Variants in LDB3 observed in about 807,000 individuals in gnomAD.
The protein encoded by LDB3 is LIM domain-binding protein 3.
Under a neutral mutation model 69.0 loss-of-function variants are expected in LDB3, and 49 were observed. The observed-to-expected ratio is 0.71, with a 90% CI of 0.56 to 0.90. The LOEUF (loss-of-function observed/expected upper bound fraction) is 0.90, where lower values mean the gene tolerates loss of function less well. Among genes scored for constraint, LDB3 ranks in the 40% least tolerant of loss-of-function variants. The probability of loss-of-function intolerance (pLI) is 0.00; values close to 1 mark genes in which losing one functional copy is unlikely to be tolerated. For synonymous variants in LDB3, 387 were observed against 396.2 expected, an observed-to-expected ratio of 0.98 and a Z score of 0.28; for missense variants, 928 against 974.1, an observed-to-expected ratio of 0.95 and a Z score of 0.63.
intron 5 of LDB3, among the ~76,000 whole-genome samples, chr10:86,683,338 T>C (rs1392116177): frequency 6.6e-6 from 1 of 152,228 alleles, no homozygotes; most frequent in Non-Finnish European, 1.5e-5. Context: ...GTGGGCATGA[T>C]TTTCCCCATT....
chr10:86,672,373 G>A (rs1391867399), intron 2 of LDB3, among the ~76,000 whole-genome samples: 1 of 152,232 alleles, frequency 6.6e-6, no homozygotes. Context: ...TTCGGTTCCA[G>A]TATTTATCAG....
chr10:86,691,244 G>C (rs919111500), intron 5 of LDB3, among the ~76,000 whole-genome samples: 4 of 152,214 alleles, frequency 2.6e-5, no homozygotes, highest in African/African-American at 9.6e-5. Context: ...AAAGGGCTGC[G>C]CTTCTCTGGG....
chr10:86,692,776 C>T (rs568476852), intron 7 of LDB3, among the ~76,000 whole-genome samples: 3 of 152,330 alleles, frequency 2.0e-5, no homozygotes, highest in Admixed American at 1.3e-4. Context: ...CTCTGTCCTC[C>T]AGGCCCAGGC....
intron 7 of LDB3, among the ~76,000 whole-genome samples, chr10:86,702,287 C>T (rs1242512036): frequency 6.6e-6 from 1 of 152,172 alleles, no homozygotes; most frequent in African/African-American, 2.4e-5. Flanking sequence ...ACAGTTCTGA[C>T]CAAGCCCAGT....
chr10:86,732,436 T>A, intron 13 of LDB3: 1 of 451,194 alleles, frequency 2.2e-6, no homozygotes, highest in Middle Eastern at 3.8e-4. Flanking sequence ...CTTCCGTCAT[T>A]AAGAATTCAT....
Position 86,679,507 on chromosome 10 carries a change from C to T in LDB3, c.234C>T (p.Leu78=). The change falls in exon 3 of 14, where the codon CTC becomes CTT. Residue 78 remains leucine, a synonymous_variant. Coordinates refer to ENST00000361373, the MANE Select transcript of LDB3 (RefSeq NM_007078.3). ...KIKSASYNLS[L]TLQKSKRPIP... Reference sequence around the variant, plus strand: ...AGTCTGCCAGCTACAACTTGAGCCTCACCCTGCAGAAGTAGGTGGGAGCTC... The same window carrying T: ...AGTCTGCCAGCTACAACTTGAGCCTTACCCTGCAGAAGTAGGTGGGAGCTC... The T allele has an allele frequency of 1.2e-6, 2 of 1,613,976 alleles. No homozygotes were observed. Among genetic ancestry groups the T allele is most frequent in the East Asian group, 2.2e-5 (1 of 44,884 alleles).
chr10:86,683,077 G>A (rs1564636361), intron 5 of LDB3, among the ~76,000 whole-genome samples: 1 of 152,216 alleles, frequency 6.6e-6, no homozygotes, highest in African/African-American at 2.4e-5. Flanking sequence ...AAAACTCAGG[G>A]AATAGTAGAA....
upstream of LDB3, chr10:86,668,457 T>C (rs1844268021): frequency 6.7e-6 from 4 of 593,614 alleles, no homozygotes; most frequent in East Asian, 9.1e-5. Context: ...TTACAGTCCA[T>C]TTATGGGCGC....
chr10:86,670,241 C>T (rs1844388658), intron 2 of LDB3, among the ~76,000 whole-genome samples: 1 of 152,148 alleles, frequency 6.6e-6, no homozygotes, highest in South Asian at 2.1e-4. Flanking sequence ...AGATCTACTG[C>T]CCTGGAGACC....
At chr10:86,681,362 C>T (rs938815379) in intron 4 of LDB3, 74 bp from the exon 5 acceptor site, 13 of 1,588,908 alleles carry the variant, frequency 8.2e-6, no homozygotes, top group African/African-American at 4.0e-5. Context: ...TTCAGGTCCA[C>T]GCAGGAGCGC....
intron 2 of LDB3, among the ~76,000 whole-genome samples, chr10:86,671,800 A>G (rs1487208705): frequency 1.3e-5 from 2 of 152,136 alleles, no homozygotes; most frequent in African/African-American, 4.8e-5. Context: ...GCTCGGCCTC[A>G]GTTTTTCTCA....
chr10:86,677,512 G>T (rs919303589), intron 2 of LDB3, among the ~76,000 whole-genome samples: 1 of 152,188 alleles, frequency 6.6e-6, no homozygotes, highest in Non-Finnish European at 1.5e-5. Context: ...CATCGTGCAT[G>T]ATGTCCCCAA....
In LDB3 at chr10:86,718,782, C is replaced by T. The variant is rs753629561; in HGVS notation, c.1913C>T (p.Ala638Val). ...TWHTTCFVCA[A>V]CKKPFGNSLF... ...CACACCACCTGCTTCGTCTGTGCGG[C>T]CTGCAAGAAGCCTTTTGGGAACAGC... Residue 638 changes from alanine to valine, a missense_variant, in exon 12 of 14, where the codon GCC becomes GTC. By Grantham distance (64) the Ala-to-Val change is moderately conservative. Coordinates refer to ENST00000361373, the MANE Select transcript of LDB3 (RefSeq NM_007078.3). 6.2e-7 allele frequency: 1 copy of T among 1,614,056 alleles called. No individual in the cohort carries two copies. The highest frequency in any genetic ancestry group is 1.3e-5 in the African/African-American group (1 of 74,924).
intron 12 of LDB3, among the ~76,000 whole-genome samples, chr10:86,725,640 G>A (rs1182556123): frequency 6.6e-6 from 1 of 152,194 alleles, no homozygotes; most frequent in Admixed American, 6.5e-5. Flanking sequence ...AGGAGGACAT[G>A]CCCCAATAAA....
At chr10:86,707,729 C>T (rs1846496280) in intron 8 of LDB3, among the ~76,000 whole-genome samples, 1 of 152,154 alleles carries the variant, frequency 6.6e-6, no homozygotes, top group Non-Finnish European at 1.5e-5. Context: ...TGTGAGCAAA[C>T]CGGCTTGCAG....
intron 5 of LDB3, among the ~76,000 whole-genome samples, chr10:86,685,186 C>T (rs1845399447): frequency 6.6e-6 from 1 of 152,190 alleles, no homozygotes; most frequent in Admixed American, 6.5e-5. Context: ...GCCTCCTTAC[C>T]ACTGCAATGC....
At chr10:86,691,554 C>T (rs1346241478) in intron 5 of LDB3, among the ~76,000 whole-genome samples, 2 of 152,170 alleles carry the variant, frequency 1.3e-5, no homozygotes, top group Admixed American at 6.5e-5. Flanking sequence ...GGCCTGCTCA[C>T]GGAGGTCAAA....
Position 86,669,458 on chromosome 10 carries a change from C to T in LDB3, c.93+674C>T, listed in dbSNP as rs114105896. 6.9e-3 allele frequency among the ~76,000 whole-genome samples: 1,052 copies of T among 152,330 alleles called. 18 individuals carry two copies. Among genetic ancestry groups the T allele is most frequent in the African/African-American group, 0.024 (999 of 41,572 alleles). ...CTGCAGTGTCTGTGATGGGGAGCAGCATGGCCTGATGCAGATGACACAGAA... is the reference window on the plus strand; with the variant it reads ...CTGCAGTGTCTGTGATGGGGAGCAGTATGGCCTGATGCAGATGACACAGAA... On this transcript the variant is annotated intron_variant, in intron 2 of 13. Transcript: ENST00000361373.
rs1357910414 is a variant in LDB3, at chr10:86,728,469, G to A, written c.2094+2217G>A. On this transcript the variant is annotated intron_variant, in intron 13 of 13. Transcript: ENST00000361373. ...GAGAGTGAAGTCCAGCCTGTGAGAG[G>A]CCCATAGCACTGCCCTTTAGAGGAT... Among the ~76,000 whole-genome samples the A allele has an allele frequency of 3.3e-5, 5 of 152,132 alleles. No homozygotes were observed. In the East Asian group the frequency reaches 9.6e-4, roughly 29 times the overall value.
Sources: gnomAD v4.1 joint callset for allele counts (sites outside exome capture counted in the v4.1 genomes callset) on GRCh38, gnomAD v4.1.1 for gene constraint, MANE v1.5 for transcripts, NCBI Gene and HGNC (gene_info 2026-07-23, HGNC 2026-07-21) for gene names.